ZNF568: variants seen among roughly 807,000 people sequenced by gnomAD.
The protein encoded by ZNF568 is zinc finger protein 568.
A neutral mutation model predicts 18.1 loss-of-function variants in ZNF568; 11 were observed. The ratio of observed to expected loss-of-function variants is 0.61; its 90% confidence interval spans 0.38 to 1.00. The LOEUF is 1.00. ZNF568 is among the 50% of genes least tolerant of loss of function. The probability of loss-of-function intolerance (pLI) is 0.01; values close to 1 mark genes in which losing one functional copy is unlikely to be tolerated. For missense variants in ZNF568, 639 were observed against 768.2 expected (o/e 0.83, Z 1.99); for synonymous variants, 213 against 246.6 (o/e 0.86, Z 1.28).
chr19:36,921,639 T>A (rs1382267543), intron 2 of ZNF568, among the ~76,000 whole-genome samples: 1 of 152,194 alleles, frequency 6.6e-6, no homozygotes, highest in African/African-American at 2.4e-5. Context: ...ATATTTTTTT[T>A]TTACCCTTTA....
chr19:36,939,532 CTTTTTTTT>C lies in ZNF568; in HGVS notation c.358+2308_358+2315del, dbSNP rs386388962. ...GGTTCATTGAAGATGTATTTTCTTT[CTTTTTTTT>C]TTTTTTTTTTTTTTTTTGAGACGGA... On this transcript the variant is annotated intron_variant, in intron 6 of 6. Transcript: ENST00000333987. Among the ~76,000 whole-genome samples, 529 of 93,074 alleles carry C rather than the reference CTTTTTTTT, an allele frequency of 5.7e-3. 3 individuals are homozygous for C. Among genetic ancestry groups the C allele is most frequent in the African/African-American group, 0.019 (434 of 23,094 alleles). 61.1% of individuals were successfully genotyped at this position (93,074 alleles called of 152,430 possible). A position where few individuals can be genotyped will look rare whatever the true frequency, so the allele number is the denominator to read the frequency against.
At chr19:36,933,933 T>G (rs1266182037) in intron 4 of ZNF568, among the ~76,000 whole-genome samples, 2 of 134,510 alleles carry the variant, frequency 1.5e-5, no homozygotes, top group Admixed American at 7.8e-5. Context: ...TGTTTTTTTT[T>G]TTTTTTTTTA....
At chr19:36,944,933 T>C (rs2073937881) in intron 6 of ZNF568, among the ~76,000 whole-genome samples, 2 of 152,202 alleles carry the variant, frequency 1.3e-5, no homozygotes, top group Non-Finnish European at 2.9e-5. Flanking sequence ...TTACTTGAAG[T>C]AATTTTCTAT....
chr19:36,939,819 A>G (rs543609), intron 6 of ZNF568, among the ~76,000 whole-genome samples: 89,654 of 151,970 alleles, frequency 0.59, 27,492 homozygotes, highest in African/African-American at 0.74. Context: ...GATTACAGGC[A>G]AGAGCCACTG....
chr19:36,977,252 A>G (rs1287794618), intron 7 of ZNF568, among the ~76,000 whole-genome samples: 1 of 152,162 alleles, frequency 6.6e-6, no homozygotes, highest in African/African-American at 2.4e-5. Flanking sequence ...TTATCCAAAC[A>G]ATCTAGTCTT....
At chr19:36,968,162 A>G (rs1478947592) in intron 6 of ZNF568, among the ~76,000 whole-genome samples, 1 of 152,242 alleles carries the variant, frequency 6.6e-6, no homozygotes, top group Non-Finnish European at 1.5e-5. Flanking sequence ...TACATGGTAG[A>G]AAGTCCACTT....
In ZNF568 at chr19:36,950,990, C is replaced by A; in HGVS notation, c.1837C>A (p.Pro613Thr). ...TATGAGAAGTCATACTGGTGAGAAA[C>A]CCTTTGAATGTAATGAATGTGGGAA... ...IHMRSHTGEK[P>T]FECNECGKAF... The change falls in exon 7 of 7, where the codon CCC becomes ACC. Residue 613 changes from proline to threonine, a missense_variant. Coordinates refer to ENST00000333987, the MANE Select transcript of ZNF568 (RefSeq NM_198539.4). The A allele has an allele frequency of 6.2e-7, 1 of 1,613,540 alleles. No homozygotes were observed. The highest frequency in any genetic ancestry group is 1.3e-5 in the African/African-American group (1 of 75,006).
At chr19:36,935,925 C>T (rs1798947918) in intron 4 of ZNF568, among the ~76,000 whole-genome samples, 1 of 151,710 alleles carries the variant, frequency 6.6e-6, no homozygotes, top group Non-Finnish European at 1.5e-5. Flanking sequence ...ACAATCTGTC[C>T]TTTTTTTTGG....
At chr19:36,993,157 A>T (rs1488997074) in intron 4 of ZNF568, among the ~76,000 whole-genome samples, 1 of 152,192 alleles carries the variant, frequency 6.6e-6, no homozygotes, top group Non-Finnish European at 1.5e-5. Flanking sequence ...TCATGAAAGG[A>T]TTTTAGAATA....
intron 6 of ZNF568, among the ~76,000 whole-genome samples, chr19:36,970,753 A>G (rs1374852447): frequency 2.6e-5 from 4 of 152,218 alleles, no homozygotes; most frequent in Non-Finnish European, 5.9e-5. Flanking sequence ...AAATTCAGCT[A>G]TAACCATCTG....
rs543983271 is a variant in ZNF568 at position 36,966,390 on chromosome 19, C to A, written c.359-8030C>A. Among the ~76,000 whole-genome samples the A allele has an allele frequency of 2.0e-5, 3 of 152,282 alleles. No individual in the cohort carries two copies. The East Asian group carries it at 5.8e-4, about 30-fold the overall frequency. On this transcript the variant is annotated intron_variant, in intron 6 of 7. Transcript: ENST00000427117. ...TCTCCCAAAGTATTGGGATTACAGG[C>A]GTGAGCCATCATGCCTGGTCCATCT...
chr19:36,951,258 A>C lies in ZNF568; in HGVS notation c.*170A>C, dbSNP rs2074056268. Reference sequence around the variant, plus strand: ...CATAGATGGAAAAACCCAGTATTATAAAAACCTCAATTCTGAAAATCTATA... The same window carrying C: ...CATAGATGGAAAAACCCAGTATTATCAAAACCTCAATTCTGAAAATCTATA... On this transcript the variant is annotated 3_prime_UTR_variant, in exon 7 of 7. Coordinates refer to ENST00000333987, the MANE Select transcript of ZNF568 (RefSeq NM_198539.4). The C allele has an allele frequency of 5.6e-6, 3 of 536,362 alleles. No homozygotes were observed. The highest frequency in any genetic ancestry group is 7.9e-5 in the Admixed American group (2 of 25,354). The allele number at this position is 536,362 out of a possible 1,614,324, so 33.2% of individuals were successfully genotyped here.
At position 36,922,849 on chromosome 19, in the gene ZNF568, G is replaced by T; in HGVS notation, c.76+3G>T. 1 of 1,613,816 alleles carries T rather than the reference G, an allele frequency of 6.2e-7. No individual in the cohort carries two copies. Among genetic ancestry groups the T allele is most frequent in the Non-Finnish European group, 8.5e-7 (1 of 1,179,822 alleles). ...GAGCCACATGATGGAAAGGAAAGGT[G>T]AGGTGGCTCATAGGTGGACAGAGCT... On this transcript the variant is annotated splice_donor_region_variant and intron_variant, in intron 3 of 6. Transcript: ENST00000333987.
chr19:36,933,673 G>A (rs1355073828), intron 4 of ZNF568, among the ~76,000 whole-genome samples: 1 of 151,920 alleles, frequency 6.6e-6, no homozygotes, highest in Non-Finnish European at 1.5e-5. Flanking sequence ...TAATAAGAGA[G>A]AGTGGGCTCT....
chr19:36,978,867 G>T, intron 7 of ZNF568: 1 of 231,466 alleles, frequency 4.3e-6, no homozygotes, highest in Non-Finnish European at 8.8e-6. Context: ...CTTTCTCTGG[G>T]TTCTACTGAA....
chr19:36,921,259 C>G (rs10409206), intron 2 of ZNF568, among the ~76,000 whole-genome samples: 24,692 of 151,926 alleles, frequency 0.16, 2,504 homozygotes, highest in African/African-American at 0.28. Context: ...GTCAGGAGTT[C>G]AAGAACAGCC....
chr19:36,948,658 A>ATTTTTTTTTTTTTTTTTTTTTTTTT (rs4069585), intron 6 of ZNF568, among the ~76,000 whole-genome samples: 2 of 83,574 alleles, frequency 2.4e-5, no homozygotes, highest in African/African-American at 4.8e-5. Flanking sequence ...TTTGTTGTTG[A>ATTTTTTTTTTTTTTTTTTTTTTTTT]TTTTTTTTTT....
intron 4 of ZNF568, among the ~76,000 whole-genome samples, chr19:36,933,815 G>T (rs1181123786): frequency 2.7e-5 from 4 of 148,370 alleles, no homozygotes; most frequent in African/African-American, 9.9e-5. Flanking sequence ...GGAAGAGTTT[G>T]TAAATAAGTT....
intron 6 of ZNF568, among the ~76,000 whole-genome samples, chr19:36,948,658 A>ATTTTTTTTTTTTTTTTTTTTTT (rs4069585): frequency 1.7e-4 from 14 of 83,578 alleles, no homozygotes; most frequent in Non-Finnish European, 2.0e-4. Flanking sequence ...TTTGTTGTTG[A>ATTTTTTTTTTTTTTTTTTTTTT]TTTTTTTTTT....
Sources: allele counts gnomAD v4.1 joint callset (sites outside exome capture counted in the v4.1 genomes callset), GRCh38; gene constraint gnomAD v4.1.1; transcripts MANE v1.5; gene names NCBI Gene and HGNC (gene_info 2026-07-23, HGNC 2026-07-21).